Variants in TEX9 observed in about 807,000 individuals in gnomAD.
The protein encoded by TEX9 is testis expressed 9, also known as testis-expressed protein 9.
A neutral mutation model predicts 59.6 loss-of-function variants in TEX9; 74 were observed. The observed-to-expected ratio is 1.24, with a 90% CI of 1.03 to 1.51. The LOEUF (loss-of-function observed/expected upper bound fraction) is 1.51. TEX9 is among the 40% of genes most tolerant of loss of function. The pLI is 0.00. For missense variants in TEX9, 522 were observed against 447.8 expected, an observed-to-expected ratio of 1.17 and a Z score of -1.49; for synonymous variants, 186 against 152.2, an observed-to-expected ratio of 1.22 and a Z score of -1.64.
chr15:56,347,210 T>A (rs1299420523), intron 1 of TEX9, among the ~76,000 whole-genome samples: 1 of 152,182 alleles, frequency 6.6e-6, no homozygotes, highest in East Asian at 1.9e-4. Flanking sequence ...GCAAGTTGTT[T>A]TGTGGATATA....
Position 56,427,671 on chromosome 15 carries a change from CAA to C in TEX9, c.1034_1035del (p.Lys345ArgfsTer15). The C allele has an allele frequency of 6.5e-7, 1 of 1,530,668 alleles. No individual in the cohort carries two copies. The highest frequency in any genetic ancestry group is 8.8e-7 in the Non-Finnish European group (1 of 1,140,400). The allele number at this position is 1,530,668 out of a possible 1,614,324, so 94.8% of individuals were successfully genotyped here. On this transcript the variant is annotated frameshift_variant, in exon 11 of 13. Coordinates refer to ENST00000352903, the Ensembl canonical transcript of TEX9. LOFTEE classifies it high-confidence loss of function. Reference sequence around the variant, plus strand: ...ATCAGAAAACAAGAAGCTAGAAAAACAAAAAGGAGAATTAATGATAGGGTTCA... The same window carrying C: ...ATCAGAAAACAAGAAGCTAGAAAAACAAAGGAGAATTAATGATAGGGTTCA...
chr15:56,376,029 C>T (rs557127189), intron 3 of TEX9, among the ~76,000 whole-genome samples: 12 of 142,548 alleles, frequency 8.4e-5, no homozygotes, highest in South Asian at 2.2e-4. Flanking sequence ...GATGAGAACA[C>T]GTGGACACAG....
At chr15:56,324,544 T>C (rs2045978767) in intron 1 of TEX9, among the ~76,000 whole-genome samples, 1 of 152,242 alleles carries the variant, frequency 6.6e-6, no homozygotes, top group African/African-American at 2.4e-5. Context: ...TTATTTTTCA[T>C]TGGTAAAATA....
At chr15:56,320,952 C>T (rs1311145012) in intron 1 of TEX9, among the ~76,000 whole-genome samples, 2 of 152,144 alleles carry the variant, frequency 1.3e-5, no homozygotes, top group African/African-American at 4.8e-5. Flanking sequence ...TGAGACAAAG[C>T]CTAAGCCACG....
chr15:56,332,292 A>G (rs2046164269), intron 1 of TEX9, among the ~76,000 whole-genome samples: 1 of 151,716 alleles, frequency 6.6e-6, no homozygotes, highest in African/African-American at 2.4e-5. Flanking sequence ...ATGCAGCCAT[A>G]AAAATGATGA....
chr15:56,374,102 A>G (rs2142040745), intron 3 of TEX9: 1 of 151,922 alleles, frequency 6.6e-6, no homozygotes, highest in South Asian at 2.1e-4. Flanking sequence ...TATATGTTTT[A>G]CTAATTTATA....
intron 9 of TEX9, among the ~76,000 whole-genome samples, chr15:56,400,167 C>T (rs747083586): frequency 1.3e-5 from 2 of 152,120 alleles, no homozygotes; most frequent in Non-Finnish European, 2.9e-5. Context: ...TTCAGAAAGT[C>T]AGTAATAAAC....
At chr15:56,428,793 G>T in intron 12 of TEX9, 1 of 355,954 alleles carries the variant, frequency 2.8e-6, no homozygotes, top group Non-Finnish European at 5.0e-6. Context: ...AACACAGACA[G>T]AAGGCAGTTC....
At chr15:56,406,621 C>CT (rs1246729640) in intron 9 of TEX9, among the ~76,000 whole-genome samples, 4 of 152,042 alleles carry the variant, frequency 2.6e-5, no homozygotes, top group African/African-American at 9.7e-5. Flanking sequence ...GGATTATTAT[C>CT]TTTTTAATTT....
At chr15:56,403,556 C>T (rs1248337670) in intron 9 of TEX9, among the ~76,000 whole-genome samples, 1 of 152,160 alleles carries the variant, frequency 6.6e-6, no homozygotes, top group Non-Finnish European at 1.5e-5. Flanking sequence ...GGCATACTGC[C>T]CAAGGTAATT....
At chr15:56,269,741 C>T (rs2044479562) in intron 1 of TEX9, among the ~76,000 whole-genome samples, 1 of 151,582 alleles carries the variant, frequency 6.6e-6, no homozygotes, top group Admixed American at 6.6e-5. Flanking sequence ...CAAGCTCTGC[C>T]TCCCAGGTTT....
downstream of TEX9, chr15:56,446,927 A>G: frequency 6.2e-7 from 1 of 1,608,348 alleles, no homozygotes; most frequent in East Asian, 2.2e-5. Flanking sequence ...TTCTTCTCCA[A>G]TTCTCTAAGC....
the TEX9 span, among the ~76,000 whole-genome samples, chr15:56,456,094 C>G: frequency 6.6e-6 from 1 of 152,002 alleles, no homozygotes; most frequent in African/African-American, 2.4e-5. Flanking sequence ...TAGTTATTAC[C>G]TAAGGTTTCT....
At chr15:56,447,121 C>T, downstream of TEX9, 1 of 520,264 alleles carries the variant, frequency 1.9e-6, no homozygotes, top group Non-Finnish European at 3.4e-6. Flanking sequence ...GGCATTAGGG[C>T]TTACATTTTC....
intron 12 of TEX9, among the ~76,000 whole-genome samples, chr15:56,437,444 T>C (rs547114384): frequency 6.6e-6 from 1 of 152,212 alleles, no homozygotes; most frequent in East Asian, 1.9e-4. Flanking sequence ...CTCAATAAAT[T>C]AGGTGTTGAT....
intron 1 of TEX9, among the ~76,000 whole-genome samples, chr15:56,283,155 A>G (rs1377887179): frequency 6.6e-6 from 1 of 151,986 alleles, no homozygotes; most frequent in Non-Finnish European, 1.5e-5. Flanking sequence ...AGCAGAATTG[A>G]GAGTTTGAAG....
intron 1 of TEX9, among the ~76,000 whole-genome samples, chr15:56,303,073 G>A (rs896519767): frequency 6.6e-6 from 1 of 152,114 alleles, no homozygotes; most frequent in African/African-American, 2.4e-5. Context: ...AATATTACTA[G>A]AGCTAAAGAG....
At chr15:56,373,929 T>A (rs1300622190) in intron 3 of TEX9, among the ~76,000 whole-genome samples, 5 of 152,110 alleles carry the variant, frequency 3.3e-5, no homozygotes, top group Admixed American at 2.0e-4. Context: ...CAATATTTTA[T>A]CTTCATGCCT....
At chr15:56,441,201 A>G (rs2050808964) in intron 12 of TEX9, among the ~76,000 whole-genome samples, 1 of 152,132 alleles carries the variant, frequency 6.6e-6, no homozygotes, top group South Asian at 2.1e-4. Flanking sequence ...GTCTGCAGGT[A>G]TATTTTCATT....
Sources: allele counts gnomAD v4.1 joint callset (sites outside exome capture counted in the v4.1 genomes callset), GRCh38; gene constraint gnomAD v4.1.1; transcripts MANE v1.5; gene names NCBI Gene and HGNC (gene_info 2026-07-23, HGNC 2026-07-21).